CDYL: variants seen among roughly 807,000 people sequenced by gnomAD.
CDYL encodes chromodomain Y like.
CDYL carries 8 observed loss-of-function variants against 47.3 expected under a neutral mutation model. That is an observed-to-expected ratio of 0.17 (90% CI 0.10 to 0.31). The LOEUF (loss-of-function observed/expected upper bound fraction) is 0.31. CDYL is among the 10% of genes least tolerant of loss of function. The pLI, the probability that CDYL is intolerant of heterozygous loss-of-function variation, is 1.00. For synonymous variants in CDYL, 266 were observed against 265.0 expected, an observed-to-expected ratio of 1.00 and a Z score of -0.04; for missense variants, 471 against 701.4, an observed-to-expected ratio of 0.67 and a Z score of 3.71.
chr6:4,879,914 T>C (rs1761718575), intron 1 of CDYL, among the ~76,000 whole-genome samples: 1 of 152,036 alleles, frequency 6.6e-6, no homozygotes, highest in African/African-American at 2.4e-5. Context: ...CTCAGCAAAA[T>C]TGGGCTGAAA....
At chr6:4,921,013 G>GTGTGTT (rs1205400677) in intron 2 of CDYL, among the ~76,000 whole-genome samples, 1 of 151,852 alleles carries the variant, frequency 6.6e-6, no homozygotes, top group Non-Finnish European at 1.5e-5. Context: ...GTGTGTGTGT[G>GTGTGTT]TATGTGTGGC....
intron 1 of CDYL, among the ~76,000 whole-genome samples, chr6:4,783,902 C>T (rs542471372): frequency 1.3e-5 from 2 of 152,278 alleles, no homozygotes; most frequent in African/African-American, 4.8e-5. Context: ...GCCTCATCAG[C>T]TCGAAAATGG....
intron 1 of CDYL, among the ~76,000 whole-genome samples, chr6:4,852,092 G>A (rs1317119109): frequency 6.6e-6 from 1 of 152,076 alleles, no homozygotes; most frequent in African/African-American, 2.4e-5. Context: ...AACCTGTTGG[G>A]TGACATCTAG....
intron 1 of CDYL, among the ~76,000 whole-genome samples, chr6:4,856,603 G>A (rs1462650102): frequency 6.6e-6 from 1 of 152,190 alleles, no homozygotes; most frequent in African/African-American, 2.4e-5. Flanking sequence ...TGGTGGTGTG[G>A]TCCTGAGGGA....
chr6:4,905,378 C>G (rs1034050745), intron 2 of CDYL, among the ~76,000 whole-genome samples: 6 of 152,180 alleles, frequency 3.9e-5, no homozygotes, highest in Non-Finnish European at 8.8e-5. Flanking sequence ...GTGCCTGCCT[C>G]TCCTCCCACG....
chr6:4,741,860 C>T (rs918337731), intron 3 of CDYL, among the ~76,000 whole-genome samples: 27 of 152,166 alleles, frequency 1.8e-4, no homozygotes, highest in Non-Finnish European at 3.5e-4. Context: ...TACTCTTCTG[C>T]CCCTGTGTAG....
chr6:4,940,901 C>A (rs1758343682), intron 4 of CDYL, among the ~76,000 whole-genome samples: 2 of 152,246 alleles, frequency 1.3e-5, no homozygotes, highest in Non-Finnish European at 2.9e-5. Flanking sequence ...ATGAGAGAGA[C>A]CTCAGCCATG....
At chr6:4,852,934 G>T (rs1760895397) in intron 1 of CDYL, among the ~76,000 whole-genome samples, 1 of 151,970 alleles carries the variant, frequency 6.6e-6, no homozygotes, top group Admixed American at 6.6e-5. Flanking sequence ...GAGTAGCCGG[G>T]ACCAGCTACC....
chr6:4,825,948 G>C (rs971992185), intron 1 of CDYL, among the ~76,000 whole-genome samples: 10 of 152,094 alleles, frequency 6.6e-5, no homozygotes, highest in Non-Finnish European at 1.5e-4. Flanking sequence ...GACCACCAGC[G>C]GGTGGAAGTG....
At chr6:4,875,443 A>C (rs774802333) in intron 1 of CDYL, among the ~76,000 whole-genome samples, 1 of 152,164 alleles carries the variant, frequency 6.6e-6, no homozygotes, top group Non-Finnish European at 1.5e-5. Flanking sequence ...TCAACTTATA[A>C]ATATGGCATG....
At chr6:4,806,529 C>T (rs1759375065) in intron 1 of CDYL, among the ~76,000 whole-genome samples, 2 of 152,332 alleles carry the variant, frequency 1.3e-5, no homozygotes, top group South Asian at 4.1e-4. Context: ...TGAGTGTTAA[C>T]ATCTTCTGTA....
chr6:4,769,204 A>C (rs1026079628), intron 3 of CDYL, among the ~76,000 whole-genome samples: 3 of 152,200 alleles, frequency 2.0e-5, no homozygotes, highest in African/African-American at 4.8e-5. Context: ...ATACTGTATC[A>C]ATATTGGTTC....
chr6:4,923,523 A>G (rs1160478118), intron 2 of CDYL, among the ~76,000 whole-genome samples: 1 of 152,186 alleles, frequency 6.6e-6, no homozygotes, highest in Non-Finnish European at 1.5e-5. Context: ...TACTGCTGCA[A>G]TAAACATGGG....
chr6:4,724,917 C>G (rs957770395), intron 2 of CDYL: 9 of 152,206 alleles, frequency 5.9e-5, no homozygotes, highest in African/African-American at 2.2e-4. Flanking sequence ...CTTTTATTCT[C>G]TTACCTGGCC....
intron 5 of CDYL, among the ~76,000 whole-genome samples, chr6:4,951,751 G>T (rs1487087173): frequency 6.6e-6 from 1 of 151,930 alleles, no homozygotes. Flanking sequence ...GTCACCATTG[G>T]CCTCCCAGAT....
intron 1 of CDYL, among the ~76,000 whole-genome samples, chr6:4,866,190 C>T (rs534041125): frequency 8.6e-5 from 13 of 152,004 alleles, no homozygotes; most frequent in Admixed American, 3.9e-4. Context: ...ATTTTGGAGT[C>T]GGTCAAGTAC....
At position 4,935,537 on chromosome 6, in the gene CDYL, A is replaced by G. The variant is rs1758164790; in HGVS notation, c.714A>G (p.Ala238=). The change falls in exon 3 of 7, where the codon GCA becomes GCG. Residue 238 remains alanine (A), a synonymous_variant. Transcript: ENST00000397588. The part of the protein sequence containing the change: ...NGKGTSPFMD[A]LTANGTTNIQ... The stretch of plus-strand genomic sequence containing the variant: ...CAGGTACATCTCCGTTCATGGATGC[A>G]TTAACAGCCAATGGGACAACCAACA... 3 of 1,614,122 alleles carry G rather than the reference A, an allele frequency of 1.9e-6. No individual in the cohort carries two copies. In the South Asian group the frequency reaches 3.3e-5, roughly 18 times the overall value.
intron 3 of CDYL, among the ~76,000 whole-genome samples, chr6:4,739,104 T>C (rs1757752469): frequency 6.6e-6 from 1 of 151,586 alleles, no homozygotes; most frequent in Admixed American, 6.6e-5. Flanking sequence ...GAGGTTGCAG[T>C]GAGCCAAGAT....
intron 2 of CDYL, among the ~76,000 whole-genome samples, chr6:4,928,190 G>A (rs1478675757): frequency 6.6e-6 from 1 of 152,190 alleles, no homozygotes; most frequent in Non-Finnish European, 1.5e-5. Context: ...TTCAAATTGG[G>A]AAAGAGAAAT....
Sources: allele counts gnomAD v4.1 joint callset (sites outside exome capture counted in the v4.1 genomes callset), GRCh38; gene constraint gnomAD v4.1.1; transcripts MANE v1.5; gene names NCBI Gene and HGNC (gene_info 2026-07-23, HGNC 2026-07-21).